Variants in SGCD observed in about 807,000 individuals in gnomAD.
SGCD encodes delta-sarcoglycan.
SGCD carries 18 observed loss-of-function variants against 36.6 expected under a neutral mutation model. The ratio of observed to expected loss-of-function variants is 0.49; its 90% CI spans 0.34 to 0.73. SGCD has a LOEUF of 0.73. SGCD is among the 30% of genes least tolerant of loss of function. The pLI, the probability that SGCD is intolerant of heterozygous loss-of-function variation, is 0.01. For missense variants in SGCD, 387 were observed against 346.7 expected, an observed-to-expected ratio of 1.12 and a Z score of -0.92; for synonymous variants, 133 against 130.6, an observed-to-expected ratio of 1.02 and a Z score of -0.12.
intron 3 of SGCD, among the ~76,000 whole-genome samples, chr5:156,400,717 C>T: frequency 6.6e-6 from 1 of 152,196 alleles, no homozygotes; most frequent in East Asian, 1.9e-4. Context: ...ACACACATTG[C>T]TTGGCCCTGA....
chr5:156,274,496 T>C (rs1766266395), intron 3 of SGCD, among the ~76,000 whole-genome samples: 1 of 152,108 alleles, frequency 6.6e-6, no homozygotes, highest in Non-Finnish European at 1.5e-5. Flanking sequence ...TTTTATTAAC[T>C]TTTTTGCACT....
chr5:156,633,188 T>C (rs1762700347), intron 6 of SGCD, among the ~76,000 whole-genome samples: 1 of 152,202 alleles, frequency 6.6e-6, no homozygotes, highest in South Asian at 2.1e-4. Context: ...GGGACTAGGA[T>C]TCTCAGTAAG....
chr5:156,119,629 A>C (rs73813239), intron 2 of SGCD, among the ~76,000 whole-genome samples: 1,862 of 152,182 alleles, frequency 0.012, 59 homozygotes, highest in African/African-American at 0.043. Context: ...TCCATAGTTC[A>C]TCCTTTCCCC....
intron 3 of SGCD, among the ~76,000 whole-genome samples, chr5:156,423,300 A>ATATATTATAGTATAATATAT (rs1561685567): frequency 5.0e-4 from 5 of 9,922 alleles, no homozygotes; most frequent in African/African-American, 1.1e-3. Context: ...TTATAATATA[A>ATATATTATAGTATAATATAT]TATATTTTAT....
chr5:156,516,973 G>A (rs559365943), intron 4 of SGCD, among the ~76,000 whole-genome samples: 4 of 152,302 alleles, frequency 2.6e-5, no homozygotes, highest in East Asian at 1.9e-4. Flanking sequence ...ACTCTAGCCT[G>A]TGTGACAGAG....
At chr5:156,498,262 C>CCAAA (rs1756287875) in intron 3 of SGCD, among the ~76,000 whole-genome samples, 1 of 102,926 alleles carries the variant, frequency 9.7e-6, no homozygotes. Flanking sequence ...ATTTCTCTTA[C>CCAAA]AAAAAAAAAA....
chr5:155,941,000 A>AT lies in SGCD; in HGVS notation c.-282+70586dup, dbSNP rs560306592. On this transcript the variant is annotated intron_variant, in intron 1 of 9. Transcript: ENST00000517913. ...GACTGGTAATGTATGAAGAAGAGAC[A>AT]TTTTTTTTTTGGCTCGCAATTCTGG... is the stretch of plus-strand genomic sequence containing the variant. Among the ~76,000 whole-genome samples, 545 of 149,638 alleles carry AT rather than the reference A, an allele frequency of 3.6e-3. 4 individuals are homozygous for AT. Among genetic ancestry groups the AT allele is most frequent in the African/African-American group, 6.4e-3 (260 of 40,858 alleles).
chr5:156,474,610 G>A (rs1291010761), intron 3 of SGCD, among the ~76,000 whole-genome samples: 1 of 152,170 alleles, frequency 6.6e-6, no homozygotes, highest in Non-Finnish European at 1.5e-5. Flanking sequence ...CAGCCAGCTG[G>A]GTTTGAAAGG....
At chr5:156,389,921 G>C (rs1477822338) in intron 3 of SGCD, among the ~76,000 whole-genome samples, 23 of 135,172 alleles carry the variant, frequency 1.7e-4, no homozygotes, top group African/African-American at 5.5e-4. Flanking sequence ...CACACACACA[G>C]AGCCTTATGC....
At chr5:156,525,298 T>C (rs1757597993) in intron 4 of SGCD, among the ~76,000 whole-genome samples, 1 of 152,130 alleles carries the variant, frequency 6.6e-6, no homozygotes, top group East Asian at 1.9e-4. Flanking sequence ...AATTGTGGTT[T>C]TGATTTGCAT....
chr5:155,894,841 A>T (rs760849898), intron 1 of SGCD, among the ~76,000 whole-genome samples: 1 of 152,140 alleles, frequency 6.6e-6, no homozygotes, highest in Non-Finnish European at 1.5e-5. Context: ...TAATTATTTC[A>T]TTATATATTA....
the SGCD span, among the ~76,000 whole-genome samples, chr5:155,776,447 A>G: frequency 6.6e-6 from 1 of 152,188 alleles, no homozygotes; most frequent in Non-Finnish European, 1.5e-5. Context: ...TATTGAACAC[A>G]GAGACTGGCA....
chr5:156,563,869 G>T (rs1759370521), intron 4 of SGCD, among the ~76,000 whole-genome samples: 1 of 151,826 alleles, frequency 6.6e-6, no homozygotes. Flanking sequence ...TTCCCCTTTT[G>T]GGGGGATCAG....
chr5:156,349,994 A>G (rs1037404839), intron 3 of SGCD, among the ~76,000 whole-genome samples: 7 of 151,934 alleles, frequency 4.6e-5, no homozygotes, highest in African/African-American at 1.7e-4. Flanking sequence ...CAAAAATCTG[A>G]TACCACATGT....
chr5:155,857,707 T>C, the SGCD span, among the ~76,000 whole-genome samples: 2 of 152,132 alleles, frequency 1.3e-5, no homozygotes, highest in Non-Finnish European at 2.9e-5. Context: ...GGGCACAAAA[T>C]AGATTATAAA....
rs558745613 is a variant in SGCD at position 156,557,744 on chromosome 5, C to G, written c.295-31487C>G. Among the ~76,000 whole-genome samples, 19 of 152,116 alleles carry G rather than the reference C, an allele frequency of 1.2e-4. No homozygotes were observed. The South Asian group carries it at 4.0e-3, about 32-fold the overall frequency. ...GTAGCCCTGCCTCCAGAAAGTCTTC[C>G]GTGATATATCCCCTCTGCCTCCTCA... On this transcript the variant is annotated intron_variant, in intron 4 of 8. Transcript: ENST00000337851.
the SGCD span, among the ~76,000 whole-genome samples, chr5:155,739,490 T>G: frequency 6.6e-6 from 1 of 152,218 alleles, no homozygotes; most frequent in Non-Finnish European, 1.5e-5. Flanking sequence ...AAATGAAATA[T>G]TCCATCTAAC....
At chr5:155,833,053 C>CAAAAAAAAAAAAAA in the SGCD span, among the ~76,000 whole-genome samples, 4 of 90,324 alleles carry the variant, frequency 4.4e-5, no homozygotes, top group African/African-American at 1.2e-4. Flanking sequence ...ACTAAAAATA[C>CAAAAAAAAAAAAAA]GAAAAAAAAA....
intron 3 of SGCD, among the ~76,000 whole-genome samples, chr5:156,427,206 C>T (rs1309519503): frequency 6.6e-6 from 1 of 152,064 alleles, no homozygotes; most frequent in East Asian, 1.9e-4. Flanking sequence ...GTTTGTGTCA[C>T]ATATGATTTC....
Sources: allele counts gnomAD v4.1 joint callset (sites outside exome capture counted in the v4.1 genomes callset), GRCh38; gene constraint gnomAD v4.1.1; transcripts MANE v1.5; gene names NCBI Gene and HGNC (gene_info 2026-07-23, HGNC 2026-07-21).